The following LRP5 variants were observed in gnomAD, a reference collection of about 807,000 sequenced individuals.
LRP5 encodes the protein low-density lipoprotein receptor-related protein 5.
LRP5 carries 62 observed loss-of-function variants against 154.1 expected under a neutral mutation model. The ratio of observed to expected loss-of-function variants is 0.40; its 90% CI spans 0.33 to 0.50. The LOEUF (loss-of-function observed/expected upper bound fraction) is 0.50. Among genes scored for constraint, LRP5 ranks in the 20% least tolerant of loss-of-function variants. LRP5 has a pLI of 0.55. For synonymous variants in LRP5, 966 were observed against 1,011.5 expected (o/e 0.96, Z 0.85); for missense variants, 1,915 against 2,336.7 (o/e 0.82, Z 3.72).
At chr11:68,355,105 C>T (rs2098622085) in intron 2 of LRP5, among the ~76,000 whole-genome samples, 1 of 152,206 alleles carries the variant, frequency 6.6e-6, no homozygotes, top group African/African-American at 2.4e-5. Flanking sequence ...GCATGGCCCC[C>T]TGGATGGGGT....
chr11:68,360,217 A>G (rs1385126016), intron 3 of LRP5, among the ~76,000 whole-genome samples: 1 of 152,104 alleles, frequency 6.6e-6, no homozygotes. Context: ...AGGTTTCACC[A>G]TGTTGCCCAG....
Position 68,357,792 on chromosome 11 carries a change from T to C in LRP5, c.631T>C (p.Trp211Arg). The C allele has an allele frequency of 6.2e-7, 1 of 1,614,064 alleles. No homozygotes were observed. The highest frequency in any genetic ancestry group is 8.5e-7 in the Non-Finnish European group (1 of 1,179,962). The change falls in exon 3 of 23, where the codon TGG becomes CGG. Residue 211 changes from tryptophan (W) to arginine (R), a missense_variant. Coordinates refer to ENST00000294304, the MANE Select transcript of LRP5 (RefSeq NM_002335.4). ...TIDLEEQKLYWADAKLSFIHR... is the reference protein window; with the variant it reads ...TIDLEEQKLYRADAKLSFIHR... ...CGACCTGGAGGAGCAGAAGCTCTAC[T>C]GGGCTGACGCCAAGCTCAGCTTCAT...
intron 1 of LRP5, among the ~76,000 whole-genome samples, chr11:68,339,581 C>T (rs1217173319): frequency 2.6e-5 from 4 of 151,882 alleles, no homozygotes; most frequent in African/African-American, 7.3e-5. Context: ...CTCCTTACCT[C>T]GTGATCCGCC....
At chr11:68,389,789 G>A in intron 6 of LRP5, 92 bp from the exon 7 acceptor site, 1 of 1,315,370 alleles carries the variant, frequency 7.6e-7, no homozygotes, top group Non-Finnish European at 1.1e-6. Flanking sequence ...TGTGATGGGG[G>A]CCGGCTTGGG....
chr11:68,371,899 C>T (rs2098634206), intron 5 of LRP5, among the ~76,000 whole-genome samples: 1 of 152,216 alleles, frequency 6.6e-6, no homozygotes, highest in Non-Finnish European at 1.5e-5. Context: ...TCACGTTGGG[C>T]AGTGAAATTC....
intron 1 of LRP5, among the ~76,000 whole-genome samples, chr11:68,322,519 C>T (rs111729480): frequency 2.0e-5 from 3 of 152,276 alleles, no homozygotes; most frequent in Admixed American, 2.0e-4. Flanking sequence ...CCGCCCTGAG[C>T]AGACCTGCCC....
At position 68,446,469 on chromosome 11, in the gene LRP5, C is replaced by G. The variant is rs938621756; in HGVS notation, c.4522C>G (p.Pro1508Ala). Reference protein sequence around the residue: ...LNPPPSPATDPSLYNMDMFYS... With the variant: ...LNPPPSPATDASLYNMDMFYS... ...CCCGCCGCCCTCCCCGGCCACGGAC[C>G]CCTCCCTGTACAACATGGACATGTT... The change falls in exon 22 of 23, where the codon CCC (proline) becomes GCC (alanine). Residue 1508 changes from proline (P) to alanine (A), a missense_variant. This residue lies in a region of LRP5 where 1,094 missense variants were observed against 1,210.1 expected (regional missense o/e 0.90). Transcript: ENST00000294304. The G allele has an allele frequency of 6.2e-7, 1 of 1,614,152 alleles. No individual in the cohort carries two copies. Among genetic ancestry groups the G allele is most frequent in the Non-Finnish European group, 8.5e-7 (1 of 1,180,000 alleles).
rs2098608008 is a variant in LRP5, at chr11:68,340,028, G to A, written c.92-7819G>A. 2.0e-5 allele frequency among the ~76,000 whole-genome samples: 3 copies of A among 152,080 alleles called. No homozygotes were observed. The South Asian group carries it at 6.2e-4, about 32-fold the overall frequency. On this transcript the variant is annotated intron_variant, in intron 1 of 22. Coordinates refer to ENST00000294304, the MANE Select transcript of LRP5 (RefSeq NM_002335.4). Reference sequence around the variant, plus strand: ...TGCCAAGGCGGGCGGATCACCTGAGGTCAGGAGTTCGAGACCAGCCTGACC... The same window carrying A: ...TGCCAAGGCGGGCGGATCACCTGAGATCAGGAGTTCGAGACCAGCCTGACC...
intron 5 of LRP5, 25 bp downstream of exon 5, chr11:68,365,727 C>A: frequency 1.6e-4 from 1 of 6,360 alleles, no homozygotes; most frequent in Non-Finnish European, 3.3e-4. Context: ...CGGGACGGGG[C>A]GGGCGGGCGG....
intron 7 of LRP5, among the ~76,000 whole-genome samples, chr11:68,394,706 C>G (rs1047536676): frequency 6.6e-6 from 1 of 152,124 alleles, no homozygotes; most frequent in Admixed American, 6.5e-5. Flanking sequence ...CCTCATGATC[C>G]GCCCGTCTCG....
chr11:68,423,643 T>G lies in LRP5; in HGVS notation c.3182T>G (p.Val1061Gly). The G allele has an allele frequency of 6.2e-7, 1 of 1,614,038 alleles. No individual in the cohort carries two copies. Among genetic ancestry groups the G allele is most frequent in the Non-Finnish European group, 8.5e-7 (1 of 1,180,000 alleles). ...CTGAGCGGGGAAGCCATGGGGGTGG[T>G]GCTGCGTGGGGACCGCGACAAGCCC... ...HRLSGEAMGVVLRGDRDKPRA... is the reference protein window; with the variant it reads ...HRLSGEAMGVGLRGDRDKPRA... Residue 1061 changes from valine to glycine, a missense_variant, in exon 14 of 23, where the codon GTG (valine) becomes GGG (glycine). Transcript: ENST00000294304. The surrounding 1 kb of genome is among the most constrained non-coding windows in gnomAD (Gnocchi z 4.7).
chr11:68,423,467 T>A lies in LRP5; in HGVS notation c.3028-22T>A. The A allele has an allele frequency of 6.2e-7, 1 of 1,610,524 alleles. No homozygotes were observed. The highest frequency in any genetic ancestry group is 2.2e-5 in the East Asian group (1 of 44,832). ...AGGGGTCTCCGCCAGTGCTCAGGAGTCTTGGTTTCTTTGTCTTACAGCCCT... is the reference window on the plus strand; with the variant it reads ...AGGGGTCTCCGCCAGTGCTCAGGAGACTTGGTTTCTTTGTCTTACAGCCCT... On this transcript the variant is annotated intron_variant, in intron 13 of 22. Transcript: ENST00000294304. This position sits in a 1 kb window ranked among gnomAD's most constrained non-coding sequence, Gnocchi z 4.7.
intron 1 of LRP5, among the ~76,000 whole-genome samples, chr11:68,315,761 G>T (rs775631358): frequency 2.0e-5 from 3 of 152,216 alleles, no homozygotes; most frequent in Non-Finnish European, 2.9e-5. Context: ...GTGGGCCCAC[G>T]GGTGCTCCTT....
At chr11:68,334,527 G>A (rs917242912) in intron 1 of LRP5, among the ~76,000 whole-genome samples, 6 of 152,196 alleles carry the variant, frequency 3.9e-5, no homozygotes, top group African/African-American at 1.4e-4. Context: ...TGTAGGTACT[G>A]CCACACACAC....
chr11:68,348,792 A>C (rs1227920781), intron 2 of LRP5, among the ~76,000 whole-genome samples: 1 of 152,124 alleles, frequency 6.6e-6, no homozygotes, highest in Non-Finnish European at 1.5e-5. Context: ...AAGTATACAA[A>C]AATGAATCGG....
In LRP5 at chr11:68,370,499, G is replaced by A. The variant is rs534830144; in HGVS notation, c.1015+4797G>A. Among the ~76,000 whole-genome samples the A allele has an allele frequency of 3.4e-3, 521 of 152,262 alleles. 7 individuals are homozygous for A. The highest frequency in any genetic ancestry group is 0.012 in the African/African-American group (504 of 41,562). ...CCCCAGCCCTGGGCTCTGTGGCATGGAGCTGACACCACAGACACCTGTGGG... is the reference window on the plus strand; with the variant it reads ...CCCCAGCCCTGGGCTCTGTGGCATGAAGCTGACACCACAGACACCTGTGGG... On this transcript the variant is annotated intron_variant, in intron 5 of 22. Transcript: ENST00000294304.
intron 5 of LRP5, among the ~76,000 whole-genome samples, chr11:68,372,492 A>ACCCGG (rs2098634743): frequency 9.4e-4 from 37 of 39,308 alleles, no homozygotes; most frequent in South Asian, 2.3e-3. Flanking sequence ...AGTGTCAGGC[A>ACCCGG]GACCGGGGAC....
intron 1 of LRP5, among the ~76,000 whole-genome samples, chr11:68,332,593 A>G (rs1451194705): frequency 6.6e-6 from 1 of 152,202 alleles, no homozygotes; most frequent in South Asian, 2.1e-4. Context: ...CCAAGTATTC[A>G]TCAGCTGGGT....
intron 1 of LRP5, among the ~76,000 whole-genome samples, chr11:68,329,032 A>G (rs1274887765): frequency 1.3e-5 from 2 of 152,164 alleles, no homozygotes; most frequent in Admixed American, 1.3e-4. Context: ...ACACATGTGC[A>G]CAGTGCTTCA....
Sources: gnomAD v4.1 joint callset for allele counts (sites outside exome capture counted in the v4.1 genomes callset) on GRCh38, gnomAD v4.1.1 for gene constraint, gnomAD v4.1.1 regional missense constraint, Gnocchi (gnomAD v3.1) non-coding constraint, MANE v1.5 for transcripts, NCBI Gene and HGNC (gene_info 2026-07-23, HGNC 2026-07-21) for gene names.